CYRIB: variants seen among roughly 807,000 people sequenced by gnomAD.
CYRIB encodes the protein CYFIP related Rac1 interactor B.
In CYRIB, 8 loss-of-function variants were observed where a neutral mutation model predicts 44.2. That is an observed-to-expected ratio of 0.18 (90% confidence interval 0.11 to 0.33). The LOEUF is 0.33. Ranked by LOEUF, CYRIB falls within the 10% of genes least tolerant of loss-of-function variation. CYRIB has a pLI of 1.00. For synonymous variants in CYRIB, 131 were observed against 127.2 expected, an observed-to-expected ratio of 1.03 and a Z score of -0.20; for missense variants, 185 against 382.8, an observed-to-expected ratio of 0.48 and a Z score of 4.31.
intron 1 of CYRIB, among the ~76,000 whole-genome samples, chr8:129,980,262 A>G (rs1348738344): frequency 6.6e-6 from 1 of 151,992 alleles, no homozygotes; most frequent in Non-Finnish European, 1.5e-5. Context: ...GAAAAAAGAA[A>G]AAAAGCTGTA....
intron 1 of CYRIB, among the ~76,000 whole-genome samples, chr8:129,907,424 C>T (rs2136077895): frequency 6.6e-6 from 1 of 151,568 alleles, no homozygotes; most frequent in Non-Finnish European, 1.5e-5. Context: ...GGAAGGGGAA[C>T]ATCATACACC....
At chr8:129,856,629 TTA>T (rs150812398) in intron 5 of CYRIB, among the ~76,000 whole-genome samples, 168 of 150,256 alleles carry the variant, frequency 1.1e-3, no homozygotes, top group African/African-American at 3.6e-3. Flanking sequence ...ATTTAAAACT[TTA>T]TGTCAGGTCA....
At chr8:129,997,552 C>T (rs2096802449) in intron 1 of CYRIB, among the ~76,000 whole-genome samples, 1 of 152,200 alleles carries the variant, frequency 6.6e-6, no homozygotes, top group Admixed American at 6.5e-5. Flanking sequence ...AGGGCCAAGG[C>T]ACATAAATGT....
intron 1 of CYRIB, among the ~76,000 whole-genome samples, chr8:129,923,521 C>T (rs1178418400): frequency 6.6e-6 from 1 of 152,056 alleles, no homozygotes; most frequent in Non-Finnish European, 1.5e-5. Flanking sequence ...GTGATCCACC[C>T]ACCTAAGCGT....
intron 1 of CYRIB, among the ~76,000 whole-genome samples, chr8:129,986,873 T>C (rs1250719149): frequency 6.6e-6 from 1 of 152,170 alleles, no homozygotes; most frequent in Non-Finnish European, 1.5e-5. Context: ...CTTCTGGTAA[T>C]GGCACTGTCT....
intron 3 of CYRIB, among the ~76,000 whole-genome samples, chr8:129,877,705 G>T (rs529732325): frequency 7.2e-6 from 1 of 137,934 alleles, no homozygotes; most frequent in South Asian, 2.2e-4. Context: ...TGTATAAAAT[G>T]ATCCAAACAC....
chr8:129,889,047 G>A (rs2063966097), intron 2 of CYRIB, among the ~76,000 whole-genome samples: 3 of 151,920 alleles, frequency 2.0e-5, no homozygotes, highest in Admixed American at 1.3e-4. Flanking sequence ...AGCCAAGATC[G>A]CACCACTGCA....
At chr8:129,910,477 CT>C (rs1171288097) in intron 1 of CYRIB, among the ~76,000 whole-genome samples, 15,265 of 110,324 alleles carry the variant, frequency 0.14, 1,004 homozygotes, top group Non-Finnish European at 0.16. Flanking sequence ...CCTTCTTTCA[CT>C]TTTTTTTTTT....
chr8:129,852,835 G>A (rs2044067601), intron 7 of CYRIB, among the ~76,000 whole-genome samples: 2 of 152,156 alleles, frequency 1.3e-5, no homozygotes, highest in South Asian at 4.1e-4. Context: ...GATACAGGTT[G>A]GGGTCAGACT....
chr8:129,905,106 T>A (rs1042382198), intron 1 of CYRIB, among the ~76,000 whole-genome samples: 3 of 152,168 alleles, frequency 2.0e-5, no homozygotes, highest in Non-Finnish European at 4.4e-5. Context: ...GAACCACCAG[T>A]TTGCAACTTC....
chr8:129,978,608 G>A (rs1030517785), intron 1 of CYRIB, among the ~76,000 whole-genome samples: 3 of 152,168 alleles, frequency 2.0e-5, no homozygotes, highest in Admixed American at 1.3e-4. Flanking sequence ...AATCCATTCA[G>A]AACATGTCCT....
chr8:129,895,933 A>T (rs1208883007), intron 2 of CYRIB, among the ~76,000 whole-genome samples: 1 of 152,180 alleles, frequency 6.6e-6, no homozygotes, highest in Admixed American at 6.5e-5. Context: ...TTCACCTTGG[A>T]TTATTTTGTA....
At chr8:129,880,205 A>C (rs1381580784) in intron 2 of CYRIB, among the ~76,000 whole-genome samples, 1 of 152,242 alleles carries the variant, frequency 6.6e-6, no homozygotes, top group Non-Finnish European at 1.5e-5. Flanking sequence ...GAAAAACTAA[A>C]TTATACATAT....
intron 1 of CYRIB, among the ~76,000 whole-genome samples, chr8:129,939,449 G>T (rs1040420618): frequency 1.3e-5 from 2 of 151,626 alleles, no homozygotes; most frequent in African/African-American, 4.8e-5. Flanking sequence ...GGCCCGGGGC[G>T]TCGCGGGGCC....
At chr8:129,902,216 G>A (rs569869658) in intron 2 of CYRIB, among the ~76,000 whole-genome samples, 87 of 151,948 alleles carry the variant, frequency 5.7e-4, no homozygotes, top group Non-Finnish European at 1.1e-3. Context: ...TTTTGTTTTT[G>A]TTTTTATTGT....
chr8:129,846,408 A>G (rs1264381861), intron 11 of CYRIB, among the ~76,000 whole-genome samples: 4 of 152,238 alleles, frequency 2.6e-5, no homozygotes, highest in Non-Finnish European at 5.9e-5. Flanking sequence ...GGAAGGCTAT[A>G]TGCTAATAGT....
At chr8:130,010,824 G>T (rs1367460848) in intron 1 of CYRIB, among the ~76,000 whole-genome samples, 1 of 152,184 alleles carries the variant, frequency 6.6e-6, no homozygotes, top group African/African-American at 2.4e-5. Flanking sequence ...CAGGTTGGAT[G>T]ATCTCCTGGC....
intron 2 of CYRIB, among the ~76,000 whole-genome samples, chr8:129,953,440 C>T (rs2094605661): frequency 6.6e-6 from 1 of 152,204 alleles, no homozygotes; most frequent in African/African-American, 2.4e-5. Flanking sequence ...GGTTCCTCAT[C>T]ACAGCCATGC....
intron 3 of CYRIB, among the ~76,000 whole-genome samples, chr8:129,876,627 A>G (rs1052758626): frequency 2.6e-5 from 4 of 152,242 alleles, no homozygotes; most frequent in African/African-American, 9.6e-5. Context: ...ATTCCATTAA[A>G]TTACATTTCA....
Sources: gnomAD v4.1 joint callset for allele counts (sites outside exome capture counted in the v4.1 genomes callset) on GRCh38, gnomAD v4.1.1 for gene constraint, MANE v1.5 for transcripts, NCBI Gene and HGNC (gene_info 2026-07-23, HGNC 2026-07-21) for gene names.